Variants in DMD observed in about 807,000 individuals in gnomAD.
DMD encodes dystrophin.
A neutral mutation model predicts 330.1 loss-of-function variants in DMD; 63 were observed. The ratio of observed to expected loss-of-function variants is 0.19; its 90% confidence interval spans 0.16 to 0.24. The LOEUF (loss-of-function observed/expected upper bound fraction) is 0.24. Ranked by LOEUF, DMD falls within the 10% of genes least tolerant of loss-of-function variation. The pLI, the probability that DMD is intolerant of heterozygous loss-of-function variation, is 1.00. For synonymous variants in DMD, 1,223 were observed against 959.8 expected, an observed-to-expected ratio of 1.27 and a Z score of -5.07; for missense variants, 3,344 against 2,684.1, an observed-to-expected ratio of 1.25 and a Z score of -5.43.
chrX:32,213,241 G>A (rs2097099896), intron 44 of DMD, among the ~76,000 whole-genome samples: 1 of 112,002 alleles, frequency 8.9e-6, no homozygotes, highest in South Asian at 3.7e-4. Context: ...CCTGCTAACA[G>A]CCACTGTCTA....
At chrX:31,157,657 T>C (rs188668158) in intron 74 of DMD, among the ~76,000 whole-genome samples, 16 of 111,505 alleles carry the variant, frequency 1.4e-4, no homozygotes, top group African/African-American at 4.9e-4. Context: ...CAATCCCTCA[T>C]GCGTAGTTAG....
intron 44 of DMD, among the ~76,000 whole-genome samples, chrX:32,139,269 C>T (rs932865947): frequency 1.8e-5 from 2 of 111,718 alleles, no homozygotes; most frequent in African/African-American, 6.5e-5. Context: ...ATAAATATTA[C>T]AATCTCAGTC....
chrX:31,469,956 C>T (rs1017476821), intron 59 of DMD, among the ~76,000 whole-genome samples: 1 of 110,689 alleles, frequency 9.0e-6, no homozygotes, highest in African/African-American at 3.3e-5. Flanking sequence ...TTTGCTTGGT[C>T]GATTTGGCTA....
chrX:31,297,858 G>A (rs1294287886), intron 62 of DMD, among the ~76,000 whole-genome samples: 1 of 112,546 alleles, frequency 8.9e-6, no homozygotes, highest in Non-Finnish European at 1.9e-5. Context: ...GTCCTGGAGT[G>A]CACACTGAGA....
rs372999839 is a variant in DMD, at chrX:33,291,850, A to C, written c.7+47409T>G. Among the ~76,000 whole-genome samples, 20 of 111,608 alleles carry C rather than the reference A, an allele frequency of 1.8e-4. 1 individual carries two copies. In the East Asian group the frequency reaches 3.7e-3, roughly 20 times the overall value. ...AATTCAATAATTTGATGGCTGCATA[A>C]TTTGCTATTTTATAAATCTTATATA... is the stretch of plus-strand genomic sequence containing the variant. On this transcript the variant is annotated intron_variant, in intron 1 of 17. Coordinates refer to the DMD transcript ENST00000288447.
At chrX:33,302,466 C>T (rs2053679861) in intron 1 of DMD, among the ~76,000 whole-genome samples, 1 of 112,150 alleles carries the variant, frequency 8.9e-6, no homozygotes, top group African/African-American at 3.2e-5. Flanking sequence ...TTAAAAACTA[C>T]TGATTTAGTT....
chrX:32,166,058 G>A (rs1221245372), intron 44 of DMD, among the ~76,000 whole-genome samples: 1 of 111,054 alleles, frequency 9.0e-6, no homozygotes, highest in Non-Finnish European at 1.9e-5. Flanking sequence ...CCAATCTCGG[G>A]CAGTTCTTTC....
chrX:31,685,854 C>T (rs1470189566), intron 52 of DMD, among the ~76,000 whole-genome samples: 3 of 112,530 alleles, frequency 2.7e-5, no homozygotes, highest in African/African-American at 9.7e-5. Context: ...TGGTTGACAA[C>T]TTTGAGGCAT....
rs56332488 is a variant in DMD, at chrX:33,219,306, TTGTGTGTGTGTGTG to T, written c.7+119939_7+119952del. 6.3e-3 allele frequency among the ~76,000 whole-genome samples: 462 copies of T among 72,981 alleles called. 3 individuals carry two copies. Among genetic ancestry groups the T allele is most frequent in the Middle Eastern group, 0.024 (3 of 127 alleles). 63.4% of individuals were successfully genotyped at this position (72,981 alleles called of 115,157 possible). Reference sequence around the variant, plus strand: ...TCTATGGTTGATACTTTAGAGATTATTGTGTGTGTGTGTGTGTGTGTGTGTGTGTGTGTGTGTGT... The same window carrying T: ...TCTATGGTTGATACTTTAGAGATTATTGTGTGTGTGTGTGTGTGTGTGTGT... On this transcript the variant is annotated intron_variant, in intron 1 of 17. Transcript: ENST00000288447.
chrX:32,264,069 A>C (rs1178680037), intron 43 of DMD, among the ~76,000 whole-genome samples: 1 of 111,688 alleles, frequency 9.0e-6, no homozygotes, highest in Non-Finnish European at 1.9e-5. Flanking sequence ...CTTGAATTGC[A>C]GTTCCCATAA....
intron 9 of DMD, among the ~76,000 whole-genome samples, chrX:32,669,162 G>A (rs185645194): frequency 1.8e-5 from 2 of 111,023 alleles, no homozygotes; most frequent in East Asian, 5.7e-4. Context: ...CTGAACCTCA[G>A]AATTGATTAA....
chrX:32,779,057 T>C (rs775471579), intron 7 of DMD, among the ~76,000 whole-genome samples: 9 of 111,754 alleles, frequency 8.1e-5, no homozygotes, highest in Admixed American at 3.8e-4. Flanking sequence ...GTATTAAATA[T>C]CTTGGGCACC....
At chrX:31,961,950 G>T (rs930507081) in intron 45 of DMD, among the ~76,000 whole-genome samples, 1 of 110,069 alleles carries the variant, frequency 9.1e-6, no homozygotes, top group Non-Finnish European at 1.9e-5. Context: ...GGAGAAGGTT[G>T]GTAGGAAGAA....
intron 45 of DMD, among the ~76,000 whole-genome samples, chrX:31,960,486 T>C (rs1330158502): frequency 9.0e-6 from 1 of 111,616 alleles, no homozygotes; most frequent in Non-Finnish European, 1.9e-5. Flanking sequence ...CTTGCTTCAG[T>C]GATTTTGCTC....
intron 63 of DMD, among the ~76,000 whole-genome samples, chrX:31,235,951 C>T (rs1223785862): frequency 1.8e-5 from 2 of 112,573 alleles, no homozygotes; most frequent in African/African-American, 6.4e-5. Context: ...TCTCCTTGGT[C>T]TTTCTCTGCT....
intron 21 of DMD, among the ~76,000 whole-genome samples, chrX:32,474,198 CAT>C (rs1192087927): frequency 2.3e-5 from 1 of 42,930 alleles, no homozygotes; most frequent in African/African-American, 5.9e-5. Context: ...ATCATATATA[CAT>C]ACATACATAC....
intron 1 of DMD, among the ~76,000 whole-genome samples, chrX:33,029,468 A>G (rs1306316006): frequency 9.0e-6 from 1 of 111,643 alleles, no homozygotes; most frequent in African/African-American, 3.3e-5. Context: ...CTTTGCCTCC[A>G]CTGCAAACGC....
At chrX:31,794,835 G>T (rs575935782) in intron 50 of DMD, among the ~76,000 whole-genome samples, 2 of 110,799 alleles carry the variant, frequency 1.8e-5, no homozygotes, top group African/African-American at 3.3e-5. Context: ...ATATGATTGC[G>T]TCAAAGATCA....
At chrX:31,987,369 A>G (rs1313120284) in intron 44 of DMD, among the ~76,000 whole-genome samples, 2 of 111,562 alleles carry the variant, frequency 1.8e-5, no homozygotes, top group Non-Finnish European at 3.8e-5. Flanking sequence ...TCTCCATACT[A>G]TGCAACAGGA....
Sources: allele counts gnomAD v4.1 joint callset (sites outside exome capture counted in the v4.1 genomes callset), GRCh38; gene constraint gnomAD v4.1.1; transcripts MANE v1.5; gene names NCBI Gene and HGNC (gene_info 2026-07-23, HGNC 2026-07-21).